Variants in RAPGEF2 observed in about 807,000 individuals in gnomAD.
The protein encoded by RAPGEF2 is Rap guanine nucleotide exchange factor 2, also known as PDZ domain containing guanine nucleotide exchange factor (GEF) 1.
In RAPGEF2, 54 loss-of-function variants were observed where a neutral mutation model predicts 186.7. The observed-to-expected ratio is 0.29, with a 90% CI of 0.23 to 0.36. RAPGEF2 has a LOEUF of 0.36. RAPGEF2 is among the 10% of genes least tolerant of loss of function. The probability of loss-of-function intolerance (pLI) is 1.00; values close to 1 mark genes in which losing one functional copy is unlikely to be tolerated. For missense variants in RAPGEF2, 1,532 were observed against 2,045.0 expected (o/e 0.75, Z 4.84); for synonymous variants, 712 against 705.9 (o/e 1.01, Z -0.14).
chr4:159,137,012 A>C (rs887201411), intron 1 of RAPGEF2, among the ~76,000 whole-genome samples: 1 of 152,214 alleles, frequency 6.6e-6, no homozygotes, highest in Non-Finnish European at 1.5e-5. Context: ...GTAAATTTAT[A>C]ATCATCATAG....
chr4:159,233,536 A>G (rs1752877693), intron 4 of RAPGEF2, among the ~76,000 whole-genome samples: 1 of 152,148 alleles, frequency 6.6e-6, no homozygotes, highest in East Asian at 1.9e-4. Flanking sequence ...AAAACCAAAC[A>G]TCGTATGTTC....
intron 7 of RAPGEF2, among the ~76,000 whole-genome samples, chr4:159,302,203 A>T (rs549011827): frequency 6.6e-6 from 1 of 152,266 alleles, no homozygotes; most frequent in Admixed American, 6.5e-5. Context: ...AGCTCTTACA[A>T]CTCCTAGTGC....
chr4:159,357,584 G>A (rs190995080), intron 29 of RAPGEF2, among the ~76,000 whole-genome samples: 1 of 152,310 alleles, frequency 6.6e-6, no homozygotes, highest in East Asian at 1.9e-4. Flanking sequence ...TTGGGAGGCC[G>A]AGGCAGGAGA....
At chr4:159,334,946 TAATTAAAG>T (rs1767195437) in intron 17 of RAPGEF2, among the ~76,000 whole-genome samples, 1 of 147,484 alleles carries the variant, frequency 6.8e-6, no homozygotes, top group African/African-American at 2.7e-5. Context: ...AAAGAAAAAA[TAATTAAAG>T]GAAGTTTCAC....
chr4:159,269,324 G>A (rs1439600832), intron 7 of RAPGEF2, among the ~76,000 whole-genome samples: 1 of 152,060 alleles, frequency 6.6e-6, no homozygotes, highest in Non-Finnish European at 1.5e-5. Flanking sequence ...TGCGCTTAAG[G>A]CAGCGGCTGT....
chr4:159,253,255 C>T (rs1453202218), intron 7 of RAPGEF2, among the ~76,000 whole-genome samples: 2 of 152,234 alleles, frequency 1.3e-5, no homozygotes, highest in Non-Finnish European at 2.9e-5. Context: ...GAATTTAAAA[C>T]CATGTTAGTG....
At chr4:159,316,880 C>G (rs968549475) in intron 9 of RAPGEF2, among the ~76,000 whole-genome samples, 2 of 152,150 alleles carry the variant, frequency 1.3e-5, no homozygotes, top group African/African-American at 4.8e-5. Flanking sequence ...GTATGCCTCC[C>G]AGACTCTGCC....
intron 7 of RAPGEF2, among the ~76,000 whole-genome samples, chr4:159,300,607 T>C (rs1306645760): frequency 2.0e-5 from 3 of 152,130 alleles, no homozygotes; most frequent in African/African-American, 7.2e-5. Context: ...TTCAGGTAAT[T>C]ACTGTATATT....
chr4:159,130,621 TTAG>T (rs898070496), intron 1 of RAPGEF2, among the ~76,000 whole-genome samples: 22 of 152,166 alleles, frequency 1.4e-4, no homozygotes, highest in African/African-American at 3.9e-4. Context: ...ACAATTAGAG[TTAG>T]TAGAGTAGGA....
intron 1 of RAPGEF2, among the ~76,000 whole-genome samples, chr4:159,131,168 T>A (rs554364673): frequency 2.5e-4 from 38 of 151,994 alleles, no homozygotes; most frequent in Non-Finnish European, 4.3e-4. Context: ...TGAAGTGCAA[T>A]GGCACGATCT....
chr4:159,262,894 AG>A, intron 7 of RAPGEF2, among the ~76,000 whole-genome samples: 1 of 152,054 alleles, frequency 6.6e-6, no homozygotes, highest in Non-Finnish European at 1.5e-5. Context: ...TTGAACTCCC[AG>A]TTAGGTTTTT....
intron 7 of RAPGEF2, among the ~76,000 whole-genome samples, chr4:159,287,908 G>A (rs1296531132): frequency 2.0e-5 from 3 of 152,062 alleles, no homozygotes; most frequent in Non-Finnish European, 4.4e-5. Flanking sequence ...GCTCTTCCAG[G>A]TCTATGATTG....
chr4:159,270,308 C>T (rs577505840), intron 7 of RAPGEF2, among the ~76,000 whole-genome samples: 26 of 152,294 alleles, frequency 1.7e-4, no homozygotes, highest in Non-Finnish European at 2.8e-4. Flanking sequence ...AATAGTTACT[C>T]AGGCTCTCAA....
At chr4:159,113,421 A>G (rs970320271) in intron 1 of RAPGEF2, among the ~76,000 whole-genome samples, 2 of 152,166 alleles carry the variant, frequency 1.3e-5, no homozygotes, top group African/African-American at 4.8e-5. Flanking sequence ...GAACCTGAAA[A>G]GGGGATACCA....
chr4:159,169,758 A>AT (rs968543680), intron 1 of RAPGEF2, among the ~76,000 whole-genome samples: 17 of 151,994 alleles, frequency 1.1e-4, no homozygotes, highest in Middle Eastern at 3.4e-3. Flanking sequence ...ATAGGATTTC[A>AT]TTTTTTTTAA....
In RAPGEF2 at chr4:159,338,372, A is replaced by T. The variant is rs776670373; in HGVS notation, c.2197A>T (p.Ile733Phe). The change falls in exon 18 of 30, where the codon ATC becomes TTC. Residue 733 changes from isoleucine (I) to phenylalanine (F), a missense_variant. This residue lies in a region of RAPGEF2 where 810 missense variants were observed against 1,210.5 expected (regional missense o/e 0.67). Coordinates refer to ENST00000691494, the MANE Select transcript of RAPGEF2 (RefSeq NM_001394067.2). ...SIVGLRQTKHIPTALPVSGTL... is the reference protein window; with the variant it reads ...SIVGLRQTKHFPTALPVSGTL... Reference sequence around the variant, plus strand: ...AGTAGGATTAAGGCAGACAAAGCACATCCCAACTGCATTGCCTGTCAGTGG... The same window carrying T: ...AGTAGGATTAAGGCAGACAAAGCACTTCCCAACTGCATTGCCTGTCAGTGG... The T allele has an allele frequency of 6.2e-7, 1 of 1,614,152 alleles. No homozygotes were observed. The highest frequency in any genetic ancestry group is 1.1e-5 in the South Asian group (1 of 91,086).
At chr4:159,242,560 C>T (rs1754143007) in intron 6 of RAPGEF2, among the ~76,000 whole-genome samples, 1 of 151,572 alleles carries the variant, frequency 6.6e-6, no homozygotes, top group Non-Finnish European at 1.5e-5. Context: ...CTCTTGCTAC[C>T]CATGAAGTAT....
chr4:159,217,948 G>A (rs1055893772), intron 4 of RAPGEF2, among the ~76,000 whole-genome samples: 2 of 152,174 alleles, frequency 1.3e-5, no homozygotes, highest in South Asian at 4.1e-4. Flanking sequence ...CCACTTGTAT[G>A]TGAAGACAAA....
At chr4:159,252,452 A>G (rs1755575372) in intron 7 of RAPGEF2, among the ~76,000 whole-genome samples, 1 of 152,218 alleles carries the variant, frequency 6.6e-6, no homozygotes, top group Admixed American at 6.5e-5. Context: ...GCCATTTGTT[A>G]ATTTATGAAA....
Sources: gnomAD v4.1 joint callset for allele counts (sites outside exome capture counted in the v4.1 genomes callset) on GRCh38, gnomAD v4.1.1 for gene constraint, gnomAD v4.1.1 regional missense constraint, MANE v1.5 for transcripts, NCBI Gene and HGNC (gene_info 2026-07-23, HGNC 2026-07-21) for gene names.